EML6: variants seen among roughly 807,000 people sequenced by gnomAD.
EML6 encodes EMAP like 6.
Under a neutral mutation model 240.1 loss-of-function variants are expected in EML6, and 154 were observed. The ratio of observed to expected loss-of-function variants is 0.64; its 90% CI spans 0.56 to 0.73. The LOEUF (loss-of-function observed/expected upper bound fraction) is 0.73. EML6 is among the 30% of genes least tolerant of loss of function. EML6 has a pLI of 0.00. For synonymous variants in EML6, 1,148 were observed against 899.0 expected (o/e 1.28, Z -4.95); for missense variants, 2,964 against 2,474.6 (o/e 1.20, Z -4.20).
At chr2:54,955,063 G>C (rs548900380) in intron 32 of EML6, among the ~76,000 whole-genome samples, 4 of 152,336 alleles carry the variant, frequency 2.6e-5, no homozygotes, top group African/African-American at 9.6e-5. Flanking sequence ...AAAAGAGCCT[G>C]ACAGCTTGCA....
At chr2:54,773,291 T>A (rs1668472113) in intron 2 of EML6, among the ~76,000 whole-genome samples, 1 of 152,276 alleles carries the variant, frequency 6.6e-6, no homozygotes, top group African/African-American at 2.4e-5. Context: ...GCAGTGAGGC[T>A]GAGCATGTAG....
chr2:54,961,084 G>A (rs761659107), intron 35 of EML6, among the ~76,000 whole-genome samples: 10 of 151,846 alleles, frequency 6.6e-5, no homozygotes, highest in Non-Finnish European at 1.0e-4. Context: ...TCAAAACTGG[G>A]GATTTTGTTC....
intron 22 of EML6, among the ~76,000 whole-genome samples, chr2:54,900,470 C>G (rs1046683107): frequency 6.6e-6 from 1 of 152,174 alleles, no homozygotes; most frequent in African/African-American, 2.4e-5. Context: ...CAGCACTATG[C>G]AGCTAGTAAT....
intron 12 of EML6, among the ~76,000 whole-genome samples, chr2:54,861,875 C>T (rs1272432384): frequency 6.6e-6 from 1 of 151,560 alleles, no homozygotes; most frequent in Non-Finnish European, 1.5e-5. Flanking sequence ...CAGAAAGCAA[C>T]CCCAGTTAAG....
At chr2:54,821,755 G>C (rs1188756073) in intron 5 of EML6, among the ~76,000 whole-genome samples, 1 of 151,994 alleles carries the variant, frequency 6.6e-6, no homozygotes, top group Non-Finnish European at 1.5e-5. Flanking sequence ...TAACTGGCAG[G>C]CACAAATTTA....
intron 41 of EML6, among the ~76,000 whole-genome samples, chr2:54,969,284 A>C (rs566140497): frequency 1.3e-5 from 2 of 152,308 alleles, no homozygotes; most frequent in African/African-American, 4.8e-5. Flanking sequence ...TAGCATGAAT[A>C]CTGGGTTCTA....
chr2:54,963,093 A>G (rs1558731914), intron 36 of EML6, among the ~76,000 whole-genome samples: 2 of 151,288 alleles, frequency 1.3e-5, no homozygotes, highest in African/African-American at 4.9e-5. Flanking sequence ...CATCTGGAGT[A>G]AAACTGTGAA....
At chr2:54,950,100 G>C (rs1419334935) in intron 29 of EML6, among the ~76,000 whole-genome samples, 1 of 152,192 alleles carries the variant, frequency 6.6e-6, no homozygotes, top group African/African-American at 2.4e-5. Context: ...TAGAAGACAA[G>C]ACAGGAAGAT....
At chr2:54,835,649 A>G (rs1459972948) in intron 7 of EML6, among the ~76,000 whole-genome samples, 1 of 152,048 alleles carries the variant, frequency 6.6e-6, no homozygotes, top group Non-Finnish European at 1.5e-5. Flanking sequence ...CATGCTTATT[A>G]CTGTTTTTAC....
Position 54,866,894 on chromosome 2 carries a change from C to T in EML6, c.2051+10C>T. The stretch of plus-strand genomic sequence containing the variant: ...TCCAGTTCATACACGGGTGGGTGGC[C>T]TGTCATGGGCGCCCGTATGTGTTCC... On this transcript the variant is annotated intron_variant, in intron 14 of 41. Transcript: ENST00000356458. 1 of 1,493,238 alleles carries T rather than the reference C, an allele frequency of 6.7e-7. No homozygotes were observed. Among genetic ancestry groups the T allele is most frequent in the Non-Finnish European group, 9.1e-7 (1 of 1,094,206 alleles). 92.5% of individuals were successfully genotyped at this position (1,493,238 alleles called of 1,614,324 possible).
chr2:54,957,426 CTGTGGGGGGA>C (rs1676281594), intron 32 of EML6, among the ~76,000 whole-genome samples: 1 of 150,298 alleles, frequency 6.7e-6, no homozygotes, highest in Non-Finnish European at 1.5e-5. Context: ...CTCTGTCATC[CTGTGGGGGGA>C]CGACTCCTGT....
intron 2 of EML6, among the ~76,000 whole-genome samples, chr2:54,795,772 T>A (rs891895065): frequency 6.6e-6 from 1 of 152,226 alleles, no homozygotes; most frequent in Non-Finnish European, 1.5e-5. Context: ...AATTCAATAC[T>A]TAATACTTGA....
intron 2 of EML6, among the ~76,000 whole-genome samples, chr2:54,750,480 A>G (rs905395969): frequency 1.3e-5 from 2 of 152,214 alleles, no homozygotes; most frequent in African/African-American, 4.8e-5. Context: ...GCCTAAGGAA[A>G]CAAAGGAATT....
chr2:54,785,605 T>C (rs906232044), intron 2 of EML6, among the ~76,000 whole-genome samples: 4 of 152,336 alleles, frequency 2.6e-5, no homozygotes, highest in South Asian at 2.1e-4. Flanking sequence ...CATCTTTATA[T>C]GTGTTTACAT....
At chr2:54,744,913 C>T (rs1361453733) in intron 2 of EML6, among the ~76,000 whole-genome samples, 3 of 24,672 alleles carry the variant, frequency 1.2e-4, no homozygotes, top group Admixed American at 8.8e-4. Flanking sequence ...CGTACACACA[C>T]ACACACACAC....
chr2:54,920,195 A>G (rs901184585), intron 26 of EML6, among the ~76,000 whole-genome samples: 4 of 152,158 alleles, frequency 2.6e-5, no homozygotes, highest in Admixed American at 2.6e-4. Flanking sequence ...AATAAATAAA[A>G]TAGAGACTAT....
At chr2:54,915,437 C>T (rs1673860556) in intron 25 of EML6, among the ~76,000 whole-genome samples, 1 of 152,112 alleles carries the variant, frequency 6.6e-6, no homozygotes, top group African/African-American at 2.4e-5. Context: ...CCCTGCTTCT[C>T]TTCCTGTGAA....
At chr2:54,891,199 C>A in intron 18 of EML6, 45 bp downstream of exon 18, 2 of 987,156 alleles carry the variant, frequency 2.0e-6, no homozygotes, top group Non-Finnish European at 3.0e-6. Context: ...AGAGCTTTAC[C>A]CTAGCTGGAA....
At position 54,950,679 on chromosome 2, in the gene EML6, C is replaced by A; in HGVS notation, c.4113C>A (p.Tyr1371Ter). 1 of 1,551,622 alleles carries A rather than the reference C, an allele frequency of 6.4e-7. No individual in the cohort carries two copies. The highest frequency in any genetic ancestry group is 8.7e-7 in the Non-Finnish European group (1 of 1,146,982). Residue 1371 changes from tyrosine to a stop codon, truncating the protein, a stop_gained, in exon 30 of 42, where the codon TAC becomes TAA. Transcript: ENST00000356458. LOFTEE classifies it high-confidence loss of function. Reference sequence around the variant, plus strand: ...TGGCTCTAGACCACGTGTTTGGCTACAGAGGTTTCGACTGTCGAAATAACC... The same window carrying A: ...TGGCTCTAGACCACGTGTTTGGCTAAAGAGGTTTCGACTGTCGAAATAACC... ...EELALDHVFG[Y>*]RGFDCRNNLH...
Sources: allele counts gnomAD v4.1 joint callset (sites outside exome capture counted in the v4.1 genomes callset), GRCh38; gene constraint gnomAD v4.1.1; transcripts MANE v1.5; gene names NCBI Gene and HGNC (gene_info 2026-07-23, HGNC 2026-07-21).